GUCY2C: variants seen among roughly 807,000 people sequenced by gnomAD.
GUCY2C encodes guanylyl cyclase C.
Under a neutral mutation model 131.1 loss-of-function variants are expected in GUCY2C, and 118 were observed. The observed-to-expected ratio is 0.90, with a 90% CI of 0.78 to 1.05. The LOEUF is 1.05. Among genes scored for constraint, GUCY2C ranks in the 50% least tolerant of loss-of-function variants. The pLI is 0.00. For missense variants in GUCY2C, 1,161 were observed against 1,304.4 expected (o/e 0.89, Z 1.69); for synonymous variants, 452 against 457.8 (o/e 0.99, Z 0.16).
rs769281151 is a variant in GUCY2C, at chr12:14,661,024, C to A, written c.1321G>T (p.Gly441Ter). The A allele has an allele frequency of 6.8e-6, 11 of 1,613,366 alleles. No homozygotes were observed. The highest frequency in any genetic ancestry group is 2.5e-6 in the Non-Finnish European group (3 of 1,179,444). The change falls in exon 11 of 27, where the codon GGA (glycine) becomes TGA (stop). Residue 441 changes from glycine to a stop codon, truncating the protein, a stop_gained. Transcript: ENST00000261170. LOFTEE classifies it high-confidence loss of function. ...ILMIAVFTLT[G>*]AVVLLLLVAL... ...ACGAGCAGGAGCAGCACCACAGCTC[C>A]AGTGAGGGTGAAGACTGCAATCATC...
At chr12:14,622,237 CA>C in intron 21 of GUCY2C, 40 bp from the exon 22 acceptor site, 1 of 1,281,554 alleles carries the variant, frequency 7.8e-7, no homozygotes, top group Non-Finnish European at 1.1e-6. Context: ...TCAACTTCAG[CA>C]AATTTCTTCT....
At chr12:14,647,193 G>A (rs1947539866) in intron 15 of GUCY2C, among the ~76,000 whole-genome samples, 1 of 152,102 alleles carries the variant, frequency 6.6e-6, no homozygotes, top group South Asian at 2.1e-4. Context: ...TAGCCCATGT[G>A]TTTTTCTTCC....
intron 15 of GUCY2C, among the ~76,000 whole-genome samples, chr12:14,649,160 A>G (rs1299546791): frequency 2.0e-5 from 3 of 152,182 alleles, no homozygotes. Context: ...CTTAAGTAGC[A>G]TGACTCAGGT....
At chr12:14,638,206 C>T (rs1947313825) in intron 19 of GUCY2C, among the ~76,000 whole-genome samples, 1 of 151,938 alleles carries the variant, frequency 6.6e-6, no homozygotes, top group African/African-American at 2.4e-5. Flanking sequence ...TACTAAAAAG[C>T]CAAATAATAA....
intron 7 of GUCY2C, among the ~76,000 whole-genome samples, chr12:14,675,038 C>G (rs957650341): frequency 2.6e-5 from 4 of 151,500 alleles, no homozygotes; most frequent in Admixed American, 6.6e-5. Context: ...GCAGAAACCC[C>G]ATCTCTATAA....
At chr12:14,653,153 A>C in intron 12 of GUCY2C, 139 bp from the exon 13 acceptor site, 1 of 746,226 alleles carries the variant, frequency 1.3e-6, no homozygotes, top group Middle Eastern at 2.4e-4. Flanking sequence ...TTCCAGAAAA[A>C]CTGTTGTAAT....
intron 2 of GUCY2C, among the ~76,000 whole-genome samples, chr12:14,687,483 T>C (rs985131771): frequency 1.3e-5 from 2 of 151,988 alleles, no homozygotes; most frequent in South Asian, 2.1e-4. Flanking sequence ...TTGCTGAGCA[T>C]GGTAGCACAT....
At chr12:14,623,807 C>T (rs1231834310) in intron 21 of GUCY2C, among the ~76,000 whole-genome samples, 2 of 152,038 alleles carry the variant, frequency 1.3e-5, no homozygotes, top group Non-Finnish European at 2.9e-5. Flanking sequence ...TCTCTCTCTT[C>T]CTGCCATGCG....
chr12:14,664,966 C>A (rs1947943164), intron 10 of GUCY2C, among the ~76,000 whole-genome samples: 2 of 152,134 alleles, frequency 1.3e-5, no homozygotes, highest in South Asian at 4.1e-4. Context: ...GTAATCCCAG[C>A]ACTTTGGGAA....
At chr12:14,666,237 T>C (rs1947977054) in intron 10 of GUCY2C, among the ~76,000 whole-genome samples, 1 of 152,176 alleles carries the variant, frequency 6.6e-6, no homozygotes, top group Admixed American at 6.5e-5. Flanking sequence ...ACATGTGGCT[T>C]TACCCGGCCG....
chr12:14,660,874 A>ACAG, intron 11 of GUCY2C, 107 bp downstream of exon 11: 1 of 749,132 alleles, frequency 1.3e-6, no homozygotes, highest in Non-Finnish European at 2.4e-6. Flanking sequence ...GTCAGTCTGC[A>ACAG]GGCTTCTTTG....
chr12:14,622,658 A>G (rs1946920105), intron 21 of GUCY2C, among the ~76,000 whole-genome samples: 1 of 152,222 alleles, frequency 6.6e-6, no homozygotes, highest in South Asian at 2.1e-4. Context: ...CTTTCCTGGC[A>G]TATGTAATAT....
At chr12:14,634,077 C>T (rs186942230) in intron 19 of GUCY2C, among the ~76,000 whole-genome samples, 22 of 152,148 alleles carry the variant, frequency 1.4e-4, no homozygotes, top group East Asian at 1.9e-4. Flanking sequence ...AGATCTTCTC[C>T]GTGGCACATT....
chr12:14,642,454 T>C (rs1381211894), intron 17 of GUCY2C, among the ~76,000 whole-genome samples: 1 of 152,200 alleles, frequency 6.6e-6, no homozygotes, highest in East Asian at 1.9e-4. Context: ...TGTTGTTAGG[T>C]GCAATAATAT....
chr12:14,623,123 A>G (rs935357060), intron 21 of GUCY2C, among the ~76,000 whole-genome samples: 1 of 152,194 alleles, frequency 6.6e-6, no homozygotes, highest in Non-Finnish European at 1.5e-5. Context: ...GTTGAGGTCT[A>G]AAAAAGTATG....
At chr12:14,669,162 G>C (rs921999660) in intron 10 of GUCY2C, among the ~76,000 whole-genome samples, 1 of 151,780 alleles carries the variant, frequency 6.6e-6, no homozygotes, top group Admixed American at 6.6e-5. Context: ...GATAGGTATA[G>C]CTAAATTAGA....
intron 25 of GUCY2C, among the ~76,000 whole-genome samples, chr12:14,615,531 A>C (rs1946741748): frequency 6.6e-6 from 1 of 151,734 alleles, no homozygotes; most frequent in Admixed American, 6.6e-5. Flanking sequence ...GAGATACAAA[A>C]TACATATGGC....
intron 10 of GUCY2C, among the ~76,000 whole-genome samples, chr12:14,668,611 ATTTTATTGATGGTATTTCTACTTT>A (rs1948034280): frequency 1.4e-5 from 2 of 146,920 alleles, no homozygotes; most frequent in Admixed American, 1.4e-4. Context: ...GCTCTAAATA[ATTTTATTGATGGTATTTCTACTTT>A]TTTTTTTTTT....
chr12:14,678,063 G>A (rs1050968167), intron 6 of GUCY2C, among the ~76,000 whole-genome samples: 1 of 152,006 alleles, frequency 6.6e-6, no homozygotes, highest in Non-Finnish European at 1.5e-5. Flanking sequence ...CTATCCTCCC[G>A]CCTCAGCTTC....
Sources: gnomAD v4.1 joint callset for allele counts (sites outside exome capture counted in the v4.1 genomes callset) on GRCh38, gnomAD v4.1.1 for gene constraint, MANE v1.5 for transcripts, NCBI Gene and HGNC (gene_info 2026-07-23, HGNC 2026-07-21) for gene names.